The following ITSN1 variants were observed in gnomAD, a reference collection of about 807,000 sequenced individuals.
ITSN1 encodes the protein intersectin-1.
In ITSN1, 58 loss-of-function variants were observed where a neutral mutation model predicts 239.8. That is an observed-to-expected ratio of 0.24 (90% confidence interval 0.20 to 0.30). The LOEUF (loss-of-function observed/expected upper bound fraction) is 0.30. ITSN1 is among the 10% of genes least tolerant of loss of function. The pLI, the probability that ITSN1 is intolerant of heterozygous loss-of-function variation, is 1.00. For missense variants in ITSN1, 1,558 were observed against 2,103.3 expected (o/e 0.74, Z 5.07); for synonymous variants, 780 against 770.8 (o/e 1.01, Z -0.20).
At chr21:33,794,886 CTGCAAATTAAACTT>C (rs529568280) in intron 17 of ITSN1, among the ~76,000 whole-genome samples, 1 of 152,310 alleles carries the variant, frequency 6.6e-6, no homozygotes, top group Admixed American at 6.5e-5. Flanking sequence ...TGTTTTTCAA[CTGCAAATTAAACTT>C]TAGTACAAAA....
At chr21:33,858,900 C>A in intron 31 of ITSN1, 108 bp downstream of exon 31, 1 of 576,168 alleles carries the variant, frequency 1.7e-6, no homozygotes, top group South Asian at 2.8e-5. Context: ...GTGCTTCTTT[C>A]TGGCTTTTTT....
chr21:33,849,668 A>T (rs55859711), intron 29 of ITSN1, among the ~76,000 whole-genome samples: 7,688 of 152,170 alleles, frequency 0.051, 281 homozygotes, highest in African/African-American at 0.097. Flanking sequence ...GTGTAATTGG[A>T]TTGTTTGTAA....
At chr21:33,867,183 CT>C in intron 32 of ITSN1, 49 bp from the exon 33 acceptor site, 1 of 1,064,752 alleles carries the variant, frequency 9.4e-7, no homozygotes, top group Non-Finnish European at 1.5e-6. Flanking sequence ...ATGTCACTAA[CT>C]TTGGATTTTG....
chr21:33,871,334 C>A (rs764344082), intron 33 of ITSN1, among the ~76,000 whole-genome samples: 1 of 151,390 alleles, frequency 6.6e-6, no homozygotes, highest in African/African-American at 2.4e-5. Flanking sequence ...ACTCACTGAG[C>A]AATCCTATGG....
At chr21:33,776,386 T>TAA (rs577351835) in intron 14 of ITSN1, among the ~76,000 whole-genome samples, 1,625 of 126,138 alleles carry the variant, frequency 0.013, 33 homozygotes, top group African/African-American at 0.037. Context: ...ACCCCATCTC[T>TAA]AAAAAAAAAA....
chr21:33,885,648 G>T, intron 38 of ITSN1, 126 bp downstream of exon 38: 1 of 720,354 alleles, frequency 1.4e-6, no homozygotes, highest in East Asian at 2.5e-5. Context: ...TTCCAGAATT[G>T]GTTTAACTAG....
In ITSN1 at chr21:33,782,065, C is replaced by A; in HGVS notation, c.1756C>A (p.Leu586Met). The A allele has an allele frequency of 6.2e-7, 1 of 1,613,592 alleles. No homozygotes were observed. The highest frequency in any genetic ancestry group is 8.5e-7 in the Non-Finnish European group (1 of 1,179,548). Residue 586 changes from leucine (L) to methionine (M), a missense_variant, in exon 16 of 40, where the codon CTG (leucine) becomes ATG (methionine). Around this residue, in one of 2 missense-constraint regions of ITSN1, gnomAD observed 982 missense variants for 1,209.9 expected, o/e 0.81. Transcript: ENST00000381318. ...ELARQHLRDQ[L>M]DEVEKETRSK... ...AGCTCGGCAGCACCTACGAGACCAA[C>A]TGGATGAAGTGGAGAAAGAAACTAG...
chr21:33,858,128 C>T (rs1019400957), intron 30 of ITSN1, among the ~76,000 whole-genome samples: 1 of 152,144 alleles, frequency 6.6e-6, no homozygotes, highest in African/African-American at 2.4e-5. Context: ...GCAGCACTCA[C>T]CCCCTTGTAG....
intron 14 of ITSN1, among the ~76,000 whole-genome samples, chr21:33,776,021 T>G (rs1021577254): frequency 6.6e-6 from 1 of 152,224 alleles, no homozygotes; most frequent in African/African-American, 2.4e-5. Context: ...GTTTTTGAGA[T>G]GTGTCCATGT....
rs773468458 is a variant in ITSN1 at position 33,782,137 on chromosome 21, A to G, written c.1824+4A>G. On this transcript the variant is annotated splice_donor_region_variant and intron_variant, in intron 16 of 39. Transcript: ENST00000381318. ...TATTTTCAATAATCAGCTGAAGGTA[A>G]CTCTTCTATGTGTGCCTGCATGTGT... 3 of 1,613,268 alleles carry G rather than the reference A, an allele frequency of 1.9e-6. No homozygotes were observed. Among genetic ancestry groups the G allele is most frequent in the South Asian group, 2.2e-5 (2 of 90,952 alleles).
intron 1 of ITSN1, among the ~76,000 whole-genome samples, chr21:33,699,806 T>C (rs1351799070): frequency 1.3e-5 from 2 of 152,346 alleles, no homozygotes; most frequent in Middle Eastern, 3.4e-3. Flanking sequence ...CCGCCCAGGC[T>C]GCAGTGCCAG....
intron 8 of ITSN1, 56 bp downstream of exon 8, chr21:33,755,453 TC>T: frequency 1.1e-6 from 1 of 950,478 alleles, no homozygotes; most frequent in Non-Finnish European, 1.6e-6. Flanking sequence ...GTAAACTGTT[TC>T]TAGATATTGG....
Position 33,751,903 on chromosome 21 carries a change from C to G in ITSN1, c.620C>G (p.Ala207Gly), listed in dbSNP as rs749222997. Residue 207 changes from alanine (A) to glycine (G), a missense_variant, in exon 7 of 40, where the codon GCC becomes GGC. This residue lies in a region of ITSN1 where 982 missense variants were observed against 1,209.9 expected (regional missense o/e 0.81). Transcript: ENST00000381318. Reference protein sequence around the residue: ...KLQKAQSFDVASVPPVAEWAV... With the variant: ...KLQKAQSFDVGSVPPVAEWAV... ...CAAAAGGCACAGTCATTTGATGTGG[C>G]CAGGTAAGTTTGCTTGTTTTTAAAT... 2 of 1,608,372 alleles carry G rather than the reference C, an allele frequency of 1.2e-6. No homozygotes were observed. The highest frequency in any genetic ancestry group is 1.7e-6 in the Non-Finnish European group (2 of 1,175,132).
rs142873701 is a variant in ITSN1 at position 33,750,267 on chromosome 21, C to A, written c.471C>A (p.Pro157=). 2.2e-5 allele frequency: 35 copies of A among 1,613,954 alleles called. No individual in the cohort carries two copies. In the African/African-American group the frequency reaches 2.5e-4, roughly 12 times the overall value. Residue 157 remains proline (P), a synonymous_variant, in exon 6 of 40, where the codon CCC becomes CCA. Transcript: ENST00000381318. ...CTGTTCCCACAGCAGCTGTGCCCCC[C>A]CTGGCTAACGGGGCTCCCCCTGTTA... is the stretch of plus-strand genomic sequence containing the variant. The part of the protein sequence containing the change: ...VSSVPTAAVP[P]LANGAPPVIQ...
intron 5 of ITSN1, among the ~76,000 whole-genome samples, chr21:33,743,380 C>G (rs896588427): frequency 6.6e-6 from 1 of 152,134 alleles, no homozygotes; most frequent in Non-Finnish European, 1.5e-5. Flanking sequence ...GCATGAGAAT[C>G]GCTTGAACCC....
At chr21:33,785,265 TCTCA>T (rs369791386) in intron 16 of ITSN1, among the ~76,000 whole-genome samples, 14 of 152,146 alleles carry the variant, frequency 9.2e-5, no homozygotes, top group African/African-American at 3.1e-4. Flanking sequence ...AAAAATTGAT[TCTCA>T]CTATTTTGGG....
chr21:33,703,941 C>T (rs2092136047), intron 1 of ITSN1, among the ~76,000 whole-genome samples: 4 of 152,268 alleles, frequency 2.6e-5, no homozygotes, highest in African/African-American at 7.2e-5. Flanking sequence ...GGCTGAGCTT[C>T]CTGCACTCCT....
chr21:33,789,563 C>G (rs2070943755), intron 16 of ITSN1, among the ~76,000 whole-genome samples: 1 of 152,166 alleles, frequency 6.6e-6, no homozygotes, highest in African/African-American at 2.4e-5. Context: ...AACTGCTGGT[C>G]TCCTTTCATA....
intron 27 of ITSN1, 136 bp downstream of exon 27, chr21:33,829,881 C>T: frequency 1.0e-6 from 1 of 975,090 alleles, no homozygotes; most frequent in Non-Finnish European, 1.5e-6. Context: ...TGAGAGATGC[C>T]AAATTTTCTG....
Sources: gnomAD v4.1 joint callset for allele counts (sites outside exome capture counted in the v4.1 genomes callset) on GRCh38, gnomAD v4.1.1 for gene constraint, gnomAD v4.1.1 regional missense constraint, MANE v1.5 for transcripts, NCBI Gene and HGNC (gene_info 2026-07-23, HGNC 2026-07-21) for gene names.